Variants in TAFA1 observed in about 807,000 individuals in gnomAD.
TAFA1 encodes TAFA chemokine like family member 1, also known as chemokine-like protein TAFA-1.
In TAFA1, 4 loss-of-function variants were observed where a neutral mutation model predicts 18.5. That is an observed-to-expected ratio of 0.22 (90% CI 0.11 to 0.49). The LOEUF is 0.49. Among genes scored for constraint, TAFA1 ranks in the 20% least tolerant of loss-of-function variants. The pLI is 0.98. For missense variants in TAFA1, 147 were observed against 169.0 expected, an observed-to-expected ratio of 0.87 and a Z score of 0.72; for synonymous variants, 56 against 55.2, an observed-to-expected ratio of 1.01 and a Z score of -0.06.
chr3:68,364,986 G>A (rs2069538609), intron 2 of TAFA1, among the ~76,000 whole-genome samples: 1 of 152,162 alleles, frequency 6.6e-6, no homozygotes, highest in African/African-American at 2.4e-5. Context: ...TATTTAAGGT[G>A]ATAATCGGCT....
At chr3:68,145,628 G>T (rs1197906771) in intron 2 of TAFA1, 9 of 1,330,562 alleles carry the variant, frequency 6.8e-6, no homozygotes, top group Admixed American at 3.4e-5. Context: ...TTTCCTTGAA[G>T]ACTGACTTAT....
rs2073444809 is a variant in TAFA1 at position 68,545,519 on chromosome 3, T to C, written c.*1016T>C. On this transcript the variant is annotated 3_prime_UTR_variant, in exon 5 of 5. Transcript: ENST00000478136. ...TTTTTCCAAGAGTATTCAGGTCTCC[T>C]CTTGTGAGATAGGAAGGCCATGAAA... 6.6e-6 allele frequency: 1 copy of C among 152,620 alleles called. No homozygotes were observed. The highest frequency in any genetic ancestry group is 2.4e-5 in the African/African-American group (1 of 41,458). 9.5% of individuals were successfully genotyped at this position (152,620 alleles called of 1,614,324 possible).
At chr3:68,377,553 T>C (rs1284803215) in intron 2 of TAFA1, among the ~76,000 whole-genome samples, 13 of 152,194 alleles carry the variant, frequency 8.5e-5, no homozygotes, top group African/African-American at 3.1e-4. Context: ...AGCCTGATGA[T>C]GCAATAGAAA....
chr3:68,288,668 C>A (rs11708892), intron 2 of TAFA1, among the ~76,000 whole-genome samples: 57,545 of 152,016 alleles, frequency 0.38, 11,395 homozygotes, highest in African/African-American at 0.43. Context: ...TATTAATACC[C>A]CTTGTTCTTT....
chr3:68,308,345 C>A (rs552974443), intron 2 of TAFA1, among the ~76,000 whole-genome samples: 2 of 152,248 alleles, frequency 1.3e-5, no homozygotes, highest in African/African-American at 4.8e-5. Context: ...TATTTGTATT[C>A]ATTTTATAAT....
chr3:68,467,646 G>T (rs1004851250), intron 3 of TAFA1, among the ~76,000 whole-genome samples: 1 of 152,154 alleles, frequency 6.6e-6, no homozygotes, highest in Non-Finnish European at 1.5e-5. Flanking sequence ...AACATCAGGG[G>T]TAAGGGGAGA....
chr3:68,476,409 C>A (rs1387175082), intron 3 of TAFA1, among the ~76,000 whole-genome samples: 1 of 152,302 alleles, frequency 6.6e-6, no homozygotes, highest in South Asian at 2.1e-4. Flanking sequence ...GCATGGAACT[C>A]AACTAGTCTT....
Position 68,243,632 on chromosome 3 carries a change from T to C in TAFA1, c.119-173648T>C, listed in dbSNP as rs564780200. 1.4e-3 allele frequency among the ~76,000 whole-genome samples: 213 copies of C among 152,292 alleles called. 1 individual carries two copies. The highest frequency in any genetic ancestry group is 4.9e-3 in the African/African-American group (202 of 41,562). ...CCAAGTTGTGTGTGTCAATAGTTCA[T>C]TTCTTTTTATGGCTGAGTAATATTT... On this transcript the variant is annotated intron_variant, in intron 2 of 4. Coordinates refer to ENST00000478136, the MANE Select transcript of TAFA1 (RefSeq NM_213609.4).
intron 3 of TAFA1, among the ~76,000 whole-genome samples, chr3:68,434,800 A>G (rs1396896355): frequency 2.6e-5 from 4 of 152,098 alleles, no homozygotes; most frequent in Admixed American, 2.6e-4. Context: ...ATTTTTGCGG[A>G]CTTCATTTTG....
intron 3 of TAFA1, among the ~76,000 whole-genome samples, chr3:68,425,822 C>T (rs2071041455): frequency 6.6e-6 from 1 of 151,836 alleles, no homozygotes; most frequent in Non-Finnish European, 1.5e-5. Context: ...AAACCATTCT[C>T]AGACCTGTTC....
intron 3 of TAFA1, among the ~76,000 whole-genome samples, chr3:68,475,656 A>C (rs1054256933): frequency 6.6e-6 from 1 of 152,152 alleles, no homozygotes; most frequent in African/African-American, 2.4e-5. Context: ...ATGATTTATA[A>C]TCCTTTGGGT....
chr3:68,275,710 T>A (rs145222079), intron 2 of TAFA1, among the ~76,000 whole-genome samples: 1 of 151,994 alleles, frequency 6.6e-6, no homozygotes, highest in African/African-American at 2.4e-5. Flanking sequence ...GGAGAAGAGA[T>A]CTGAAGAAAG....
intron 2 of TAFA1, among the ~76,000 whole-genome samples, chr3:68,015,176 G>T (rs1184826220): frequency 6.6e-6 from 1 of 152,092 alleles, no homozygotes. Context: ...AAGCTAAATG[G>T]TATTACTGGG....
In TAFA1 at chr3:68,527,653, T is replaced by G. The variant is rs937372811; in HGVS notation, c.260-11103T>G. Reference sequence around the variant, plus strand: ...TTTTATGCATCACAACTTGTCAATATATATTGTCTGGTCTTTATATTTGGT... The same window carrying G: ...TTTTATGCATCACAACTTGTCAATAGATATTGTCTGGTCTTTATATTTGGT... On this transcript the variant is annotated intron_variant, in intron 3 of 4. Transcript: ENST00000478136. Among the ~76,000 whole-genome samples, 151 of 152,256 alleles carry G rather than the reference T, an allele frequency of 9.9e-4. 2 individuals are homozygous for G. Among genetic ancestry groups the G allele is most frequent in the Non-Finnish European group, 4.4e-5 (3 of 67,976 alleles).
rs116597794 is a variant in TAFA1 at position 68,337,919 on chromosome 3, C to T, written c.119-79361C>T. The stretch of plus-strand genomic sequence containing the variant: ...CATGCCTGAGACATTGAGTCCCCAA[C>T]CAATTTCATTAATTCACTGAAGACC... On this transcript the variant is annotated intron_variant, in intron 2 of 4. Transcript: ENST00000478136. Among the ~76,000 whole-genome samples, 744 of 152,284 alleles carry T rather than the reference C, an allele frequency of 4.9e-3. 8 individuals are homozygous for T. Among genetic ancestry groups the T allele is most frequent in the African/African-American group, 0.017 (693 of 41,554 alleles).
At chr3:68,041,960 T>G (rs185785755) in intron 2 of TAFA1, among the ~76,000 whole-genome samples, 3 of 152,314 alleles carry the variant, frequency 2.0e-5, no homozygotes, top group Admixed American at 2.0e-4. Context: ...ACAAAGAGCT[T>G]TGGCTGGACA....
chr3:68,532,437 G>A (rs2073202633), intron 3 of TAFA1, among the ~76,000 whole-genome samples: 1 of 151,930 alleles, frequency 6.6e-6, no homozygotes. Context: ...TTTCGGAGGG[G>A]GGATGGAGGG....
intron 2 of TAFA1, among the ~76,000 whole-genome samples, chr3:68,381,123 G>A (rs1264375078): frequency 1.0e-5 from 1 of 100,440 alleles, no homozygotes; most frequent in African/African-American, 3.9e-5. Context: ...TGTTCCATTG[G>A]TCTATATCTC....
At chr3:68,201,147 T>C (rs1036901625) in intron 2 of TAFA1, among the ~76,000 whole-genome samples, 5 of 151,734 alleles carry the variant, frequency 3.3e-5, no homozygotes, top group Admixed American at 6.6e-5. Flanking sequence ...CTGTGTTATT[T>C]AGGAATGTAT....
Sources: gnomAD v4.1 joint callset for allele counts (sites outside exome capture counted in the v4.1 genomes callset) on GRCh38, gnomAD v4.1.1 for gene constraint, MANE v1.5 for transcripts, NCBI Gene and HGNC (gene_info 2026-07-23, HGNC 2026-07-21) for gene names.